Variants in PABPC4L observed in about 807,000 individuals in gnomAD.
PABPC4L encodes polyadenylate-binding protein 4-like.
For missense variants in PABPC4L, 452 were observed against 451.4 expected, an observed-to-expected ratio of 1.00 and a Z score of -0.01; for synonymous variants, 169 against 164.1, an observed-to-expected ratio of 1.03 and a Z score of -0.23.
At chr4:134,087,369 C>G in the PABPC4L span, among the ~76,000 whole-genome samples, 1 of 152,104 alleles carries the variant, frequency 6.6e-6, no homozygotes, top group African/African-American at 2.4e-5. Context: ...TTACTGAGTT[C>G]TCAAAAGTAT....
the PABPC4L span, among the ~76,000 whole-genome samples, chr4:133,957,103 A>G: frequency 6.6e-6 from 1 of 152,038 alleles, no homozygotes; most frequent in Non-Finnish European, 1.5e-5. Flanking sequence ...TGCTTATCTC[A>G]TTCCAGCATT....
chr4:134,078,739 C>G, the PABPC4L span, among the ~76,000 whole-genome samples: 1 of 151,516 alleles, frequency 6.6e-6, no homozygotes, highest in Non-Finnish European at 1.5e-5. Flanking sequence ...ACAACCTCCA[C>G]CTCCCCGTGT....
the PABPC4L span, among the ~76,000 whole-genome samples, chr4:134,137,770 A>G: frequency 6.6e-6 from 1 of 151,924 alleles, no homozygotes; most frequent in Non-Finnish European, 1.5e-5. Flanking sequence ...ATGGACTATT[A>G]TGCAAACCTC....
At chr4:134,093,096 C>A in the PABPC4L span, among the ~76,000 whole-genome samples, 3 of 151,290 alleles carry the variant, frequency 2.0e-5, no homozygotes, top group Admixed American at 6.6e-5. Context: ...TCCTCTCTCT[C>A]ATTCTCCCAC....
At chr4:134,117,619 A>G in the PABPC4L span, among the ~76,000 whole-genome samples, 1 of 151,838 alleles carries the variant, frequency 6.6e-6, no homozygotes, top group Non-Finnish European at 1.5e-5. Context: ...TTACACAGCA[A>G]TAAAGAAGCA....
the PABPC4L span, among the ~76,000 whole-genome samples, chr4:134,110,695 A>C: frequency 1.3e-5 from 2 of 151,714 alleles, no homozygotes; most frequent in Non-Finnish European, 2.9e-5. Context: ...AAAATTGCAT[A>C]ATATTTGAAT....
At chr4:133,990,547 T>C in the PABPC4L span, among the ~76,000 whole-genome samples, 3 of 152,308 alleles carry the variant, frequency 2.0e-5, no homozygotes, top group Non-Finnish European at 2.9e-5. Flanking sequence ...ACAGGTATTT[T>C]GCCTGACAGC....
the PABPC4L span, among the ~76,000 whole-genome samples, chr4:134,142,282 T>C: frequency 6.6e-6 from 1 of 151,674 alleles, no homozygotes; most frequent in African/African-American, 2.4e-5. Context: ...AGACCTTTGG[T>C]TAGTCATTTG....
the PABPC4L span, among the ~76,000 whole-genome samples, chr4:134,107,500 A>G: frequency 6.6e-6 from 1 of 151,622 alleles, no homozygotes; most frequent in Admixed American, 6.6e-5. Flanking sequence ...TGTACTGTAT[A>G]CATTAAAGTG....
the PABPC4L span, among the ~76,000 whole-genome samples, chr4:134,093,572 T>TA: frequency 7.3e-5 from 1 of 13,612 alleles, no homozygotes. Flanking sequence ...TTTCTTTCTC[T>TA]TTTTTTTTTT....
At chr4:133,959,411 A>G in the PABPC4L span, among the ~76,000 whole-genome samples, 1 of 152,216 alleles carries the variant, frequency 6.6e-6, no homozygotes, top group Non-Finnish European at 1.5e-5. Context: ...ACCTAAGGAT[A>G]AGAAGAAGCC....
chr4:134,159,145 A>G, the PABPC4L span, among the ~76,000 whole-genome samples: 1 of 152,182 alleles, frequency 6.6e-6, no homozygotes, highest in Non-Finnish European at 1.5e-5. Flanking sequence ...AAAGGCCTAC[A>G]ATATTAATGT....
rs10009368 is a variant in PABPC4L, at chr4:134,200,446, C to T, written c.574G>A (p.Val192Ile). 0.36 allele frequency: 561,248 copies of T among 1,551,574 alleles called. 118,393 individuals carry two copies. Among genetic ancestry groups the T allele is most frequent in the East Asian group, 0.99 (40,394 of 40,910 alleles). ...LRSKASEFTN[V>I]YIKNFGGDMD... ...TCACCTCCAAAGTTTTTTATGTAAA[C>T]ATTGGTGAATTCACTGGCTTTGCTT... The change falls in exon 2 of 2, where the codon GTT becomes ATT. Residue 192 changes from valine to isoleucine, a missense_variant. Physicochemically the swap from Val to Ile is conservative, Grantham distance 29 (BLOSUM62 3). Transcript: ENST00000421491.
At chr4:133,954,427 G>A in the PABPC4L span, among the ~76,000 whole-genome samples, 1 of 152,054 alleles carries the variant, frequency 6.6e-6, no homozygotes, top group African/African-American at 2.4e-5. Flanking sequence ...CTATCCTCCT[G>A]AGCCAAACAT....
At chr4:134,156,305 G>A in the PABPC4L span, among the ~76,000 whole-genome samples, 1 of 151,878 alleles carries the variant, frequency 6.6e-6, no homozygotes. Flanking sequence ...AGCTTTTGTT[G>A]TGGCTAATGA....
the PABPC4L span, among the ~76,000 whole-genome samples, chr4:134,081,440 C>A: frequency 6.6e-6 from 1 of 152,112 alleles, no homozygotes; most frequent in Admixed American, 6.6e-5. Context: ...GGAATTCTCA[C>A]CAGAGGCAGT....
At chr4:134,072,331 G>A in the PABPC4L span, among the ~76,000 whole-genome samples, 60 of 152,246 alleles carry the variant, frequency 3.9e-4, no homozygotes, top group Admixed American at 2.0e-3. Context: ...TCACATGATA[G>A]CCCTCTTTCT....
chr4:134,201,055 A>G lies in PABPC4L; in HGVS notation c.-36T>C. The G allele has an allele frequency of 1.3e-6, 2 of 1,551,508 alleles. No homozygotes were observed. Among genetic ancestry groups the G allele is most frequent in the African/African-American group, 2.7e-5 (2 of 73,120 alleles). ...TTGCCACTGTGAGTTTGTCCCCTGG[A>G]GTTCTTTGAGCAATCCCTGTGGGGG... On this transcript the variant is annotated 5_prime_UTR_variant, in exon 2 of 2. Transcript: ENST00000421491.
chr4:134,119,574 C>A, the PABPC4L span, among the ~76,000 whole-genome samples: 2 of 151,334 alleles, frequency 1.3e-5, no homozygotes, highest in Non-Finnish European at 3.0e-5. Flanking sequence ...TTTTATGTAA[C>A]CTATTTATAT....
Sources: allele counts gnomAD v4.1 joint callset (sites outside exome capture counted in the v4.1 genomes callset), GRCh38; gene constraint gnomAD v4.1.1; transcripts MANE v1.5; gene names NCBI Gene and HGNC (gene_info 2026-07-23, HGNC 2026-07-21).